Variants in NBR1 observed in about 807,000 individuals in gnomAD.
NBR1 encodes next to BRCA1 gene 1 protein.
A neutral mutation model predicts 115.5 loss-of-function variants in NBR1; 59 were observed. That is an observed-to-expected ratio of 0.51 (90% CI 0.41 to 0.63). The LOEUF is 0.63. Ranked by LOEUF, NBR1 falls within the 30% of genes least tolerant of loss-of-function variation. NBR1 has a pLI of 0.00. For missense variants in NBR1, 1,043 were observed against 1,150.5 expected (o/e 0.91, Z 1.35); for synonymous variants, 373 against 414.7 (o/e 0.90, Z 1.22).
At position 43,189,602 on chromosome 17, in the gene NBR1, G is replaced by A. The variant is rs1314828346; in HGVS notation, c.495G>A (p.Val165=). ...TSYLETFREQ[V]VNETVEKLEQ... The stretch of plus-strand genomic sequence containing the variant: ...CCATATTCTAGTTCAGAGAACAAGT[G>A]GTTAACGAAACGGTTGAGAAGCTTG... Residue 165 remains valine (V), a synonymous_variant, in exon 8 of 21, where the codon GTG becomes GTA. Transcript: ENST00000590996. 1 of 1,613,722 alleles carries A rather than the reference G, an allele frequency of 6.2e-7. No individual in the cohort carries two copies. Among genetic ancestry groups the A allele is most frequent in the Non-Finnish European group, 8.5e-7 (1 of 1,179,680 alleles).
At chr17:43,195,113 G>C in intron 14 of NBR1, 74 bp downstream of exon 14, 1 of 1,172,554 alleles carries the variant, frequency 8.5e-7, no homozygotes, top group Admixed American at 1.9e-5. Flanking sequence ...GACACTGGTA[G>C]TGTTTTATTC....
At chr17:43,201,107 G>A (rs187207453) in intron 17 of NBR1, among the ~76,000 whole-genome samples, 55 of 152,246 alleles carry the variant, frequency 3.6e-4, no homozygotes, top group Middle Eastern at 6.8e-3. Context: ...GGCCTTAAGC[G>A]ATCCAACTGC....
At chr17:43,175,319 TACAA>T (rs2056483209) in intron 1 of NBR1, among the ~76,000 whole-genome samples, 1 of 152,194 alleles carries the variant, frequency 6.6e-6, no homozygotes, top group African/African-American at 2.4e-5. Flanking sequence ...CATACAAGAA[TACAA>T]GTTCCCTGAG....
intron 1 of NBR1, among the ~76,000 whole-genome samples, chr17:43,174,138 A>G (rs1597959810): frequency 6.6e-6 from 1 of 152,170 alleles, no homozygotes; most frequent in East Asian, 1.9e-4. Context: ...AAAAGCATAG[A>G]TGTCTGTCAA....
intron 4 of NBR1, 120 bp from the exon 5 acceptor site, chr17:43,180,675 T>C (rs2056640337): frequency 5.3e-6 from 6 of 1,132,650 alleles, no homozygotes; most frequent in South Asian, 2.3e-5. Context: ...CTTAATCTTA[T>C]GGAATCTTTG....
Position 43,193,266 on chromosome 17 carries a change from A to G in NBR1, c.1233+13A>G. Reference sequence around the variant, plus strand: ...TGCAGACACAAAGGTAATTTTTCCCACAAAATGCAAAGATGAGGTGATTTG... The same window carrying G: ...TGCAGACACAAAGGTAATTTTTCCCGCAAAATGCAAAGATGAGGTGATTTG... On this transcript the variant is annotated intron_variant, in intron 11 of 20. Coordinates refer to ENST00000590996, the MANE Select transcript of NBR1 (RefSeq NM_005899.5). The G allele has an allele frequency of 6.2e-7, 1 of 1,613,852 alleles. No homozygotes were observed. The highest frequency in any genetic ancestry group is 8.5e-7 in the Non-Finnish European group (1 of 1,179,768).
At chr17:43,175,195 A>G (rs2056479451) in intron 1 of NBR1, among the ~76,000 whole-genome samples, 1 of 152,224 alleles carries the variant, frequency 6.6e-6, no homozygotes, top group Non-Finnish European at 1.5e-5. Context: ...ACCTCTGTGT[A>G]GTTTCTTGGC....
chr17:43,184,775 A>T (rs985258670), intron 5 of NBR1, among the ~76,000 whole-genome samples: 1 of 152,096 alleles, frequency 6.6e-6, no homozygotes, highest in Admixed American at 6.6e-5. Context: ...CTGAGTTAAG[A>T]TTCCATAGAG....
intron 3 of NBR1, among the ~76,000 whole-genome samples, chr17:43,178,768 CTTTTTTT>C (rs770102583): frequency 4.7e-5 from 6 of 127,204 alleles, no homozygotes; most frequent in African/African-American, 1.7e-4. Context: ...AATGGCTAAG[CTTTTTTT>C]TTTTTTTTTT....
intron 13 of NBR1, 58 bp from the exon 14 acceptor site, chr17:43,194,906 C>T: frequency 2.3e-6 from 3 of 1,306,744 alleles, no homozygotes; most frequent in Non-Finnish European, 3.3e-6. Flanking sequence ...CTACAGGTCC[C>T]ATCAAGACAT....
intron 20 of NBR1, among the ~76,000 whole-genome samples, chr17:43,208,037 G>GGAAAAT (rs1374607954): frequency 2.0e-5 from 3 of 152,192 alleles, no homozygotes; most frequent in Non-Finnish European, 4.4e-5. Flanking sequence ...GGAACTAGGA[G>GGAAAAT]GAAAATGAAG....
chr17:43,204,892 G>C (rs989715709), intron 20 of NBR1, among the ~76,000 whole-genome samples: 1 of 151,012 alleles, frequency 6.6e-6, no homozygotes, highest in Non-Finnish European at 1.5e-5. Context: ...AGGATCACTT[G>C]AGCACCGGAG....
rs2056412268 is a variant in NBR1 at position 43,172,927 on chromosome 17, G to A, written c.-10+1625G>A. On this transcript the variant is annotated intron_variant, in intron 1 of 20. Coordinates refer to ENST00000590996, the MANE Select transcript of NBR1 (RefSeq NM_005899.5). ...TGCAAGCTCCACCTCCCAGGTTCAC[G>A]CCATTCTCCTGCCTCAGCCTCCCGA... 3.9e-5 allele frequency among the ~76,000 whole-genome samples: 6 copies of A among 152,066 alleles called. No homozygotes were observed. In the South Asian group the frequency reaches 1.0e-3, roughly 26 times the overall value.
chr17:43,201,180 T>G (rs960114440), intron 17 of NBR1, among the ~76,000 whole-genome samples: 1 of 152,196 alleles, frequency 6.6e-6, no homozygotes, highest in Non-Finnish European at 1.5e-5. Context: ...AGAGCCAGTT[T>G]TTAAACACAA....
Position 43,200,464 on chromosome 17 carries a change from A to T in NBR1, c.2324A>T (p.Glu775Val), listed in dbSNP as rs2057172524. The change falls in exon 17 of 21, where the codon GAA (glutamate) becomes GTA (valine). Residue 775 changes from glutamate to valine, a missense_variant. By Grantham distance (121) the Glu-to-Val change is moderately radical (BLOSUM62 -2). Coordinates refer to ENST00000590996, the MANE Select transcript of NBR1 (RefSeq NM_005899.5). ...AAGCCTGGGGTTGAGGCTGGGCAGGAACCAGCTGAGGCTGGGGAAAGACTC... is the reference window on the plus strand; with the variant it reads ...AAGCCTGGGGTTGAGGCTGGGCAGGTACCAGCTGAGGCTGGGGAAAGACTC... ...EGKPGVEAGQ[E>V]PAEAGERLPG... The T allele has an allele frequency of 6.2e-7, 1 of 1,613,356 alleles. No individual in the cohort carries two copies. The highest frequency in any genetic ancestry group is 1.1e-5 in the South Asian group (1 of 90,972).
rs1367045090 is a variant in NBR1, at chr17:43,194,468, A to G, written c.1643A>G (p.Tyr548Cys). 15 of 1,613,900 alleles carry G rather than the reference A, an allele frequency of 9.3e-6. No homozygotes were observed. Among genetic ancestry groups the G allele is most frequent in the Admixed American group, 1.7e-5 (1 of 59,990 alleles). ...AATGTTGCCAGTGAGAGGGAGCTCT[A>G]CATCCCATCTGTGGATCTTCTGACT... ...AKNVASEREL[Y>C]IPSVDLLTAQ... The change falls in exon 13 of 21, where the codon TAC becomes TGC. Residue 548 changes from tyrosine (Y) to cysteine (C), a missense_variant. Tyr to Cys is a radical substitution (Grantham distance 194). Coordinates refer to ENST00000590996, the MANE Select transcript of NBR1 (RefSeq NM_005899.5).
At chr17:43,183,243 A>T (rs2056718379) in intron 5 of NBR1, among the ~76,000 whole-genome samples, 1 of 150,686 alleles carries the variant, frequency 6.6e-6, no homozygotes, top group African/African-American at 2.5e-5. Flanking sequence ...GTTTTTTGAG[A>T]TGGAGTCTTG....
At position 43,200,245 on chromosome 17, in the gene NBR1, TGGAGGAGGAGGA is replaced by T; in HGVS notation, c.2109_2120del (p.Glu703_Glu706del). Reference sequence around the variant, plus strand: ...CATATCGCTGAGGAAGAAGCTGTCATGGAGGAGGAGGAGGATGAGGAGGATGAGGAGGAGGAG... The same window carrying T: ...CATATCGCTGAGGAAGAAGCTGTCATGGATGAGGAGGATGAGGAGGAGGAG... On this transcript the variant is annotated inframe_deletion, in exon 17 of 21. Coordinates refer to ENST00000590996, the MANE Select transcript of NBR1 (RefSeq NM_005899.5). 6.4e-7 allele frequency: 1 copy of T among 1,551,492 alleles called. No homozygotes were observed. The highest frequency in any genetic ancestry group is 8.7e-7 in the Non-Finnish European group (1 of 1,146,766).
At chr17:43,198,982 A>G (rs962171761) in intron 16 of NBR1, among the ~76,000 whole-genome samples, 8 of 152,268 alleles carry the variant, frequency 5.3e-5, no homozygotes, top group African/African-American at 1.9e-4. Context: ...AGTCATGTAT[A>G]TCTTTATATT....
Sources: allele counts gnomAD v4.1 joint callset (sites outside exome capture counted in the v4.1 genomes callset), GRCh38; gene constraint gnomAD v4.1.1; transcripts MANE v1.5; gene names NCBI Gene and HGNC (gene_info 2026-07-23, HGNC 2026-07-21).